Variants in DEPDC5 observed in about 807,000 individuals in gnomAD.
DEPDC5 encodes GATOR1 complex protein DEPDC5.
Under a neutral mutation model 217.3 loss-of-function variants are expected in DEPDC5, and 73 were observed. That is an observed-to-expected ratio of 0.34 (90% CI 0.28 to 0.41). The LOEUF (loss-of-function observed/expected upper bound fraction) is 0.41. Ranked by LOEUF, DEPDC5 falls within the 10% of genes least tolerant of loss-of-function variation. The pLI, the probability that DEPDC5 is intolerant of heterozygous loss-of-function variation, is 1.00. For synonymous variants in DEPDC5, 733 were observed against 756.7 expected (o/e 0.97, Z 0.51); for missense variants, 1,675 against 2,070.1 (o/e 0.81, Z 3.70).
rs750153068 is a variant in DEPDC5, at chr22:31,754,916, T to C, written c.-6T>C. The C allele has an allele frequency of 1.9e-5, 31 of 1,614,034 alleles. No homozygotes were observed. In the South Asian group the frequency reaches 3.2e-4, roughly 17 times the overall value. On this transcript the variant is annotated 5_prime_UTR_variant, in exon 2 of 43. Coordinates refer to ENST00000651528, the MANE Select transcript of DEPDC5 (RefSeq NM_001242896.3). ...TTGGAACAGCTAAAGGGAAAAACAG[T>C]GCAAGATGAGAACAACAAAGGTCTA...
At chr22:31,806,286 C>A in intron 18 of DEPDC5, 95 bp downstream of exon 18, 1 of 1,114,880 alleles carries the variant, frequency 9.0e-7, no homozygotes. Context: ...TTCAGCCTCC[C>A]AAAGTGTTGG....
At chr22:31,819,355 C>T in intron 22 of DEPDC5, 130 bp downstream of exon 22, 1 of 926,356 alleles carries the variant, frequency 1.1e-6, no homozygotes, top group African/African-American at 1.6e-5. Flanking sequence ...ACCATGCCCA[C>T]TTTGGCCATC....
At chr22:31,876,949 T>C (rs2093008689) in intron 37 of DEPDC5, among the ~76,000 whole-genome samples, 1 of 151,886 alleles carries the variant, frequency 6.6e-6, no homozygotes, top group African/African-American at 2.4e-5. Context: ...CGTCAAGAGC[T>C]CAAGACCAAC....
chr22:31,814,931 T>A, intron 20 of DEPDC5, 61 bp from the exon 21 acceptor site: 1 of 1,594,522 alleles, frequency 6.3e-7, no homozygotes, highest in African/African-American at 1.3e-5. Flanking sequence ...GGTTTTAGTT[T>A]TAACTCAAGG....
chr22:31,879,737 GC>G lies in DEPDC5; in HGVS notation c.4019del (p.Ala1340GlyfsTer5). On this transcript the variant is annotated frameshift_variant, in exon 38 of 43. Coordinates refer to ENST00000651528, the MANE Select transcript of DEPDC5 (RefSeq NM_001242896.3). LOFTEE classifies it high-confidence loss of function. ...CCGAAGTTTTGGAGGACGGAGCCAG[GC>G]GGCAGCACTTTTAGGTACATGCTCA... ...FSRSFGGRSQ[A>X]AALLAATVPE... is the part of the protein sequence containing the mutation. The G allele has an allele frequency of 6.2e-7, 1 of 1,613,862 alleles. No homozygotes were observed. The highest frequency in any genetic ancestry group is 8.5e-7 in the Non-Finnish European group (1 of 1,179,962).
intron 5 of DEPDC5, 147 bp from the exon 6 acceptor site, chr22:31,766,438 T>C (rs2082825138): frequency 1.4e-6 from 1 of 718,366 alleles, no homozygotes; most frequent in Admixed American, 2.8e-5. Flanking sequence ...AGGATATAAT[T>C]CTGTTCATCA....
In DEPDC5 at chr22:31,797,720, A is replaced by T. The variant is rs762452652; in HGVS notation, c.871+17A>T. On this transcript the variant is annotated intron_variant, in intron 13 of 42. Coordinates refer to ENST00000651528, the MANE Select transcript of DEPDC5 (RefSeq NM_001242896.3). ...AACAGGCAGGTACTGCATTCATGTAATAGATGGTGCGGCGGGGAAAGGAAG... is the reference window on the plus strand; with the variant it reads ...AACAGGCAGGTACTGCATTCATGTATTAGATGGTGCGGCGGGGAAAGGAAG... 1.9e-6 allele frequency: 3 copies of T among 1,594,042 alleles called. No individual in the cohort carries two copies. Among genetic ancestry groups the T allele is most frequent in the African/African-American group, 2.7e-5 (2 of 74,510 alleles).
chr22:31,870,423 A>T (rs1036817182), intron 33 of DEPDC5, among the ~76,000 whole-genome samples, 167 bp from the exon 34 acceptor site: 3 of 152,234 alleles, frequency 2.0e-5, no homozygotes, highest in Non-Finnish European at 2.9e-5. Context: ...TAGCTGTGCC[A>T]CTAGGGACCA....
At position 31,870,638 on chromosome 22, in the gene DEPDC5, G is replaced by A; in HGVS notation, c.3379G>A (p.Gly1127Ser). 1 of 1,597,654 alleles carries A rather than the reference G, an allele frequency of 6.3e-7. No homozygotes were observed. The highest frequency in any genetic ancestry group is 8.5e-7 in the Non-Finnish European group (1 of 1,173,132). Residue 1127 changes from glycine (G) to serine (S), a missense_variant, in exon 34 of 43, where the codon GGC (glycine) becomes AGC (serine). Coordinates refer to ENST00000651528, the MANE Select transcript of DEPDC5 (RefSeq NM_001242896.3). ...TCCTATGTTGGACGGCACCAGTTTG[G>A]GCATATGCACAGGCCAATCCATGGA... ...ATPMLDGTSL[G>S]ICTGQSMDRG...
intron 8 of DEPDC5, among the ~76,000 whole-genome samples, chr22:31,781,519 G>A (rs1305640738): frequency 6.6e-6 from 1 of 151,912 alleles, no homozygotes; most frequent in Non-Finnish European, 1.5e-5. Context: ...TACAACCTCC[G>A]CCCCCGGGGT....
intron 20 of DEPDC5, among the ~76,000 whole-genome samples, chr22:31,813,679 CTATATA>C (rs58384211): frequency 6.9e-6 from 1 of 144,500 alleles, no homozygotes. Context: ...TTTAATAAGG[CTATATA>C]TATATATATA....
In DEPDC5 at chr22:31,879,605, G is replaced by T. The variant is rs1569186162; in HGVS notation, c.3886G>T (p.Val1296Leu). 6.2e-7 allele frequency: 1 copy of T among 1,613,930 alleles called. No individual in the cohort carries two copies. The highest frequency in any genetic ancestry group is 8.5e-7 in the Non-Finnish European group (1 of 1,180,028). ...FASFQRKWFE[V>L]AFVAEELVHS... ...CAGCTTCCAGCGCAAGTGGTTTGAG[G>T]TGGCCTTTGTGGCAGAAGAGCTCGT... Residue 1296 changes from valine to leucine, a missense_variant, in exon 38 of 43, where the codon GTG (valine) becomes TTG (leucine). Val to Leu is a conservative substitution (Grantham distance 32). Around this residue, in one of 11 missense-constraint regions of DEPDC5, gnomAD observed 194 missense variants for 199.3 expected, o/e 0.97. Coordinates refer to ENST00000651528, the MANE Select transcript of DEPDC5 (RefSeq NM_001242896.3).
At chr22:31,761,589 A>G (rs2082390815) in intron 4 of DEPDC5, among the ~76,000 whole-genome samples, 1 of 150,724 alleles carries the variant, frequency 6.6e-6, no homozygotes, top group South Asian at 2.1e-4. Context: ...TTGGGTCCCA[A>G]GAGTTTGAGG....
In DEPDC5 at chr22:31,879,517, T is replaced by A. The variant is rs1555919097; in HGVS notation, c.3806-8T>A. The A allele has an allele frequency of 1.9e-6, 3 of 1,607,174 alleles. No homozygotes were observed. Among genetic ancestry groups the A allele is most frequent in the Non-Finnish European group, 2.5e-6 (3 of 1,179,668 alleles). ...GAGTACTCCTTCTCTCCCCTCCACT[T>A]TTCCCAGTGGCCATGCAGCAGCCCG... is the stretch of plus-strand genomic sequence containing the variant. On this transcript the variant is annotated splice_region_variant and splice_polypyrimidine_tract_variant and intron_variant, in intron 37 of 42. Transcript: ENST00000651528.
chr22:31,888,397 G>A (rs988652527), intron 38 of DEPDC5, among the ~76,000 whole-genome samples: 1 of 151,690 alleles, frequency 6.6e-6, no homozygotes, highest in African/African-American at 2.4e-5. Context: ...TTACAGGCGT[G>A]CACCACCACA....
chr22:31,876,055 C>G, intron 36 of DEPDC5, 102 bp from the exon 37 acceptor site: 1 of 937,488 alleles, frequency 1.1e-6, no homozygotes, highest in Non-Finnish European at 1.7e-6. Context: ...GGTAGGGTCT[C>G]CTCAGTGCTC....
chr22:31,791,727 G>C (rs1197661100), intron 10 of DEPDC5, among the ~76,000 whole-genome samples: 1 of 151,380 alleles, frequency 6.6e-6, no homozygotes, highest in African/African-American at 2.4e-5. Context: ...AGGAGATCGA[G>C]ACCATCTTGG....
intron 10 of DEPDC5, 113 bp downstream of exon 10, chr22:31,784,988 C>A: frequency 2.4e-6 from 2 of 845,774 alleles, no homozygotes; most frequent in Non-Finnish European, 1.8e-6. Context: ...AGGTAAAACC[C>A]GGACTCCAGA....
chr22:31,814,805 C>A, intron 20 of DEPDC5, 187 bp from the exon 21 acceptor site: 1 of 611,286 alleles, frequency 1.6e-6, no homozygotes, highest in Non-Finnish European at 2.9e-6. Context: ...CATTTCCCCC[C>A]TCTCTTATAT....
Sources: gnomAD v4.1 joint callset for allele counts (sites outside exome capture counted in the v4.1 genomes callset) on GRCh38, gnomAD v4.1.1 for gene constraint, gnomAD v4.1.1 regional missense constraint, MANE v1.5 for transcripts, NCBI Gene and HGNC (gene_info 2026-07-23, HGNC 2026-07-21) for gene names.